ZNF587B: variants seen among roughly 807,000 people sequenced by gnomAD.
The protein encoded by ZNF587B is zinc finger protein 587B.
ZNF587B carries 6 observed loss-of-function variants against 7.2 expected under a neutral mutation model. That is an observed-to-expected ratio of 0.83 (90% CI 0.46 to 1.65). ZNF587B has a LOEUF of 1.65. Among genes scored for constraint, ZNF587B ranks in the 40% most tolerant of loss-of-function variants. The pLI is 0.01. For synonymous variants in ZNF587B, 274 were observed against 254.3 expected, an observed-to-expected ratio of 1.08 and a Z score of -0.74; for missense variants, 749 against 761.0, an observed-to-expected ratio of 0.98 and a Z score of 0.19.
At chr19:57,832,662 G>A (rs147717700) in intron 1 of ZNF587B, among the ~76,000 whole-genome samples, 1 of 152,156 alleles carries the variant, frequency 6.6e-6, no homozygotes, top group Admixed American at 6.6e-5. Flanking sequence ...GGTCTTCACA[G>A]TCTGGGCTCA....
chr19:57,836,266 A>G (rs1053308446), intron 1 of ZNF587B, among the ~76,000 whole-genome samples: 5 of 152,302 alleles, frequency 3.3e-5, no homozygotes, highest in African/African-American at 9.6e-5. Context: ...GAGCCATGCA[A>G]GGAGGTCCTC....
chr19:57,830,642 T>A, intron 1 of ZNF587B, 78 bp downstream of exon 1: 1 of 1,505,270 alleles, frequency 6.6e-7, no homozygotes, highest in East Asian at 2.5e-5. Context: ...GAAGAGTCTT[T>A]AAGGTGGCAG....
rs776497054 is a variant in ZNF587B at position 57,842,140 on chromosome 19, G to C, written c.1466G>C (p.Ser489Thr). Reference sequence around the variant, plus strand: ...CTCCTTGTACACCAGAGAATTCACAGTGGAGAGAAGCCATATGCTTGTGAG... The same window carrying C: ...CTCCTTGTACACCAGAGAATTCACACTGGAGAGAAGCCATATGCTTGTGAG... ...SHLLVHQRIH[S>T]GEKPYACEAC... The change falls in exon 3 of 3, where the codon AGT becomes ACT. Residue 489 changes from serine (S) to threonine (T), a missense_variant. Coordinates refer to ENST00000594901, the MANE Select transcript of ZNF587B (RefSeq NM_001376223.1). 3 of 1,612,046 alleles carry C rather than the reference G, an allele frequency of 1.9e-6. No homozygotes were observed. The African/African-American group carries it at 4.0e-5, about 22-fold the overall frequency.
intron 1 of ZNF587B, among the ~76,000 whole-genome samples, chr19:57,832,416 G>A (rs548945004): frequency 1.4e-4 from 22 of 152,344 alleles, no homozygotes; most frequent in African/African-American, 4.8e-4. Flanking sequence ...TTTCTTTGCT[G>A]AATTTATCTG....
At position 57,842,409 on chromosome 19, in the gene ZNF587B, G is replaced by A. The variant is rs770556985; in HGVS notation, c.1735G>A (p.Glu579Lys). Residue 579 changes from glutamate (E) to lysine (K), a missense_variant, in exon 3 of 3, where the codon GAG (glutamate) becomes AAG (lysine). Coordinates refer to ENST00000594901, the MANE Select transcript of ZNF587B (RefSeq NM_001376223.1). ...RRVHTGQKPY[E>K]CSECGKSFAG... ...AGTTCACACTGGTCAGAAGCCTTAT[G>A]AGTGCAGTGAATGTGGGAAATCTTT... 13 of 1,600,094 alleles carry A rather than the reference G, an allele frequency of 8.1e-6. No homozygotes were observed. The East Asian group carries it at 1.8e-4, about 22-fold the overall frequency.
In ZNF587B at chr19:57,845,287, A is replaced by G. The variant is rs984924810; in HGVS notation, c.*2711A>G. 6.6e-6 allele frequency: 1 copy of G among 152,166 alleles called. No homozygotes were observed. Among genetic ancestry groups the G allele is most frequent in the African/African-American group, 2.4e-5 (1 of 41,426 alleles). The allele number at this position is 152,166 out of a possible 1,614,324, so 9.4% of individuals were successfully genotyped here. On this transcript the variant is annotated 3_prime_UTR_variant, in exon 3 of 3. Coordinates refer to ENST00000594901, the MANE Select transcript of ZNF587B (RefSeq NM_001376223.1). ...GGGCCGCTGTGTTTGGCTGAAATGT[A>G]TGTCTTTTAAAGGAGTGTCCACAGT...
In ZNF587B at chr19:57,841,885, A is replaced by C; in HGVS notation, c.1211A>C (p.His404Pro). The C allele has an allele frequency of 6.2e-7, 1 of 1,613,898 alleles. No homozygotes were observed. The highest frequency in any genetic ancestry group is 1.7e-5 in the Admixed American group (1 of 59,978). ...KGHLRIHQRM[H>P]TGERPYKCGD... ...CACCTTAGGATCCATCAGCGCATGC[A>C]CACTGGAGAAAGACCTTACAAGTGT... Residue 404 changes from histidine (H) to proline (P), a missense_variant, in exon 3 of 3, where the codon CAC becomes CCC. This residue lies in a region of ZNF587B where 656 missense variants were observed against 596.5 expected (regional missense o/e 1.10). Coordinates refer to ENST00000594901, the MANE Select transcript of ZNF587B (RefSeq NM_001376223.1).
intron 1 of ZNF587B, among the ~76,000 whole-genome samples, chr19:57,837,423 GT>G (rs889390056): frequency 4.2e-5 from 6 of 143,438 alleles, no homozygotes; most frequent in Admixed American, 6.9e-5. Flanking sequence ...CGCTCAGCTA[GT>G]TTTTTTTTTG....
chr19:57,841,991 G>T lies in ZNF587B; in HGVS notation c.1317G>T (p.Lys439Asn). 6.2e-7 allele frequency: 1 copy of T among 1,606,872 alleles called. No individual in the cohort carries two copies. The highest frequency in any genetic ancestry group is 8.5e-7 in the Non-Finnish European group (1 of 1,176,448). ...TTCACACTACAGAAAGACCTTATAA[G>T]TGTGGGGAATGTGGGAAATGTTTTA... ...QRVHTTERPY[K>N]CGECGKCFSH... Residue 439 changes from lysine to asparagine, a missense_variant, in exon 3 of 3, where the codon AAG (lysine) becomes AAT (asparagine). Physicochemically the swap from Lys to Asn is moderately conservative, Grantham distance 94. Transcript: ENST00000594901.
At chr19:57,831,396 A>AT (rs1443947691) in intron 1 of ZNF587B, among the ~76,000 whole-genome samples, 1 of 152,084 alleles carries the variant, frequency 6.6e-6, no homozygotes, top group Non-Finnish European at 1.5e-5. Context: ...TGCAGTCTTT[A>AT]TTTTTTATTT....
At chr19:57,834,886 T>G (rs1448302256) in intron 1 of ZNF587B, among the ~76,000 whole-genome samples, 1 of 123,940 alleles carries the variant, frequency 8.1e-6, no homozygotes, top group African/African-American at 3.1e-5. Flanking sequence ...GTTAAGGGTA[T>G]GATGGGTGCA....
In ZNF587B at chr19:57,844,794, C is replaced by CTCGG. The variant is rs1450464841; in HGVS notation, c.*2220_*2223dup. The stretch of plus-strand genomic sequence containing the variant: ...CTCTTATGAGGTATATTGCACTGTG[C>CTCGG]TCGGTACTGTTGAGGGAACTCTGTT... On this transcript the variant is annotated 3_prime_UTR_variant, in exon 3 of 3. Coordinates refer to ENST00000594901, the MANE Select transcript of ZNF587B (RefSeq NM_001376223.1). The CTCGG allele has an allele frequency of 1.3e-5, 2 of 152,106 alleles. No individual in the cohort carries two copies. The highest frequency in any genetic ancestry group is 4.8e-5 in the African/African-American group (2 of 41,382). 9.4% of individuals were successfully genotyped at this position (152,106 alleles called of 1,614,324 possible).
intron 2 of ZNF587B, 73 bp downstream of exon 2, chr19:57,839,222 T>C: frequency 6.3e-7 from 1 of 1,589,004 alleles, no homozygotes; most frequent in Admixed American, 1.8e-5. Flanking sequence ...TTGGCAAGAC[T>C]TTCTCATGTC....
chr19:57,839,759 T>C (rs1988765642), intron 2 of ZNF587B, among the ~76,000 whole-genome samples: 1 of 151,962 alleles, frequency 6.6e-6, no homozygotes, highest in African/African-American at 2.4e-5. Flanking sequence ...CTCAGCATAA[T>C]AGGCTCAGAA....
At chr19:57,832,793 C>T (rs1182963913) in intron 1 of ZNF587B, among the ~76,000 whole-genome samples, 1 of 152,272 alleles carries the variant, frequency 6.6e-6, no homozygotes, top group East Asian at 1.9e-4. Context: ...CTCTTGCAGA[C>T]TCAGAGAGCT....
At chr19:57,838,476 C>CT (rs1988714830) in intron 1 of ZNF587B, among the ~76,000 whole-genome samples, 1 of 151,790 alleles carries the variant, frequency 6.6e-6, no homozygotes, top group Non-Finnish European at 1.5e-5. Context: ...TGGCGGGTGC[C>CT]TGTAGCCCCA....
Position 57,844,715 on chromosome 19 carries a change from G to C in ZNF587B, c.*2139G>C, listed in dbSNP as rs1461570196. 4 of 152,362 alleles carry C rather than the reference G, an allele frequency of 2.6e-5. No individual in the cohort carries two copies. Among genetic ancestry groups the C allele is most frequent in the Non-Finnish European group, 5.9e-5 (4 of 68,208 alleles). 9.4% of individuals were successfully genotyped at this position (152,362 alleles called of 1,614,324 possible). On this transcript the variant is annotated 3_prime_UTR_variant, in exon 3 of 3. Coordinates refer to ENST00000594901, the MANE Select transcript of ZNF587B (RefSeq NM_001376223.1). ...AACCTCTGGTGGGTTTTTTATTTTA[G>C]TGTCAATATCACACTGAAAGATTGG... is the stretch of plus-strand genomic sequence containing the variant.
intron 1 of ZNF587B, among the ~76,000 whole-genome samples, chr19:57,837,438 TG>T (rs1241282815): frequency 1.4e-5 from 2 of 146,882 alleles, no homozygotes; most frequent in Non-Finnish European, 3.0e-5. Flanking sequence ...TTTTTTGTTT[TG>T]TTTTTTTTTT....
chr19:57,842,299 G>T lies in ZNF587B; in HGVS notation c.1625G>T (p.Arg542Ile). The change falls in exon 3 of 3, where the codon AGA becomes ATA. Residue 542 changes from arginine (R) to isoleucine (I), a missense_variant. This residue lies in a region of ZNF587B where 656 missense variants were observed against 596.5 expected (regional missense o/e 1.10). Coordinates refer to ENST00000594901, the MANE Select transcript of ZNF587B (RefSeq NM_001376223.1). Reference sequence around the variant, plus strand: ...AGCTGTGCATTCATTGTTCATAAGAGAGTTCACACTGGTCAGAAGCCTTAT... The same window carrying T: ...AGCTGTGCATTCATTGTTCATAAGATAGTTCACACTGGTCAGAAGCCTTAT... ...THSCAFIVHK[R>I]VHTGQKPYEC... is the part of the protein sequence containing the mutation. The T allele has an allele frequency of 6.2e-7, 1 of 1,611,996 alleles. No homozygotes were observed. The highest frequency in any genetic ancestry group is 2.2e-5 in the East Asian group (1 of 44,868).
Sources: gnomAD v4.1 joint callset for allele counts (sites outside exome capture counted in the v4.1 genomes callset) on GRCh38, gnomAD v4.1.1 for gene constraint, gnomAD v4.1.1 regional missense constraint, MANE v1.5 for transcripts, NCBI Gene and HGNC (gene_info 2026-07-23, HGNC 2026-07-21) for gene names.